The following ABTB3 variants were observed in gnomAD, a reference collection of about 807,000 sequenced individuals.
ABTB3 encodes the protein ankyrin repeat and BTB domain containing 3, also known as ankyrin repeat- and BTB/POZ domain-containing protein 3.
the ABTB3 span, chr12:107,617,372 G>A: frequency 6.2e-7 from 1 of 1,614,160 alleles, no homozygotes; most frequent in African/African-American, 1.3e-5. Context: ...GTACAGGAAT[G>A]GAATTTCTAC....
chr12:107,647,789 CATT>C, the ABTB3 span, among the ~76,000 whole-genome samples: 1 of 152,206 alleles, frequency 6.6e-6, no homozygotes, highest in African/African-American at 2.4e-5. Flanking sequence ...AGGCAGGTAA[CATT>C]ATCCCCACTT....
the ABTB3 span, among the ~76,000 whole-genome samples, chr12:107,320,997 G>T: frequency 2.0e-5 from 3 of 152,220 alleles, no homozygotes; most frequent in Non-Finnish European, 4.4e-5. Context: ...TGAAGGGGGT[G>T]GGGCCGGGGC....
At chr12:107,573,919 T>A in the ABTB3 span, among the ~76,000 whole-genome samples, 5 of 152,230 alleles carry the variant, frequency 3.3e-5, no homozygotes, top group Non-Finnish European at 7.3e-5. Flanking sequence ...AGACTACTGT[T>A]TGACTAAATA....
chr12:107,600,165 T>C, the ABTB3 span, among the ~76,000 whole-genome samples: 2 of 152,130 alleles, frequency 1.3e-5, no homozygotes. Flanking sequence ...TCCTGAGGGT[T>C]TAAGCAAGAT....
the ABTB3 span, among the ~76,000 whole-genome samples, chr12:107,471,060 G>A: frequency 6.6e-6 from 1 of 152,222 alleles, no homozygotes; most frequent in Non-Finnish European, 1.5e-5. Flanking sequence ...ATAAATTGCT[G>A]CGTGGCTTGA....
the ABTB3 span, among the ~76,000 whole-genome samples, chr12:107,351,475 A>T: frequency 2.0e-5 from 3 of 152,174 alleles, no homozygotes; most frequent in Admixed American, 6.5e-5. Flanking sequence ...TATGATTTGA[A>T]TGCATCCCCC....
At chr12:107,632,125 C>A in the ABTB3 span, among the ~76,000 whole-genome samples, 3 of 152,200 alleles carry the variant, frequency 2.0e-5, no homozygotes, top group Non-Finnish European at 1.5e-5. Flanking sequence ...AGGGGTCTTG[C>A]CTTGCCTGCT....
chr12:107,427,860 T>C, the ABTB3 span, among the ~76,000 whole-genome samples: 1 of 152,146 alleles, frequency 6.6e-6, no homozygotes, highest in African/African-American at 2.4e-5. Flanking sequence ...GTGGGTGAGG[T>C]GGTATGAGCT....
At chr12:107,330,159 C>A in the ABTB3 span, among the ~76,000 whole-genome samples, 3 of 152,226 alleles carry the variant, frequency 2.0e-5, no homozygotes, top group East Asian at 5.8e-4. Flanking sequence ...ATGGCCACTG[C>A]AGCTGGAATG....
the ABTB3 span, among the ~76,000 whole-genome samples, chr12:107,513,537 G>A: frequency 1.3e-5 from 2 of 152,180 alleles, no homozygotes; most frequent in African/African-American, 4.8e-5. Context: ...CTTCTGCCAT[G>A]ATTATAAGTT....
chr12:107,530,061 A>G, the ABTB3 span, among the ~76,000 whole-genome samples: 2 of 152,200 alleles, frequency 1.3e-5, no homozygotes, highest in African/African-American at 4.8e-5. Flanking sequence ...GAAGGTCTTC[A>G]ATTGTTAGGA....
At chr12:107,482,603 A>G in the ABTB3 span, among the ~76,000 whole-genome samples, 1 of 152,020 alleles carries the variant, frequency 6.6e-6, no homozygotes, top group Non-Finnish European at 1.5e-5. Flanking sequence ...TCCTTCTAGT[A>G]AATATGCATG....
At chr12:107,325,952 C>T in the ABTB3 span, among the ~76,000 whole-genome samples, 1 of 152,176 alleles carries the variant, frequency 6.6e-6, no homozygotes, top group Non-Finnish European at 1.5e-5. Flanking sequence ...GTTGCCCAAG[C>T]TGGAGTGCAA....
the ABTB3 span, among the ~76,000 whole-genome samples, chr12:107,349,407 C>A: frequency 6.6e-6 from 1 of 152,174 alleles, no homozygotes; most frequent in Non-Finnish European, 1.5e-5. Context: ...GAGTAAGGTG[C>A]ATAACAGGTT....
the ABTB3 span, among the ~76,000 whole-genome samples, chr12:107,548,351 C>T: frequency 3.9e-5 from 6 of 152,236 alleles, no homozygotes; most frequent in African/African-American, 1.2e-4. Flanking sequence ...CTGTGCCCAA[C>T]AGACGGCCTG....
chr12:107,327,079 C>T, the ABTB3 span, among the ~76,000 whole-genome samples: 12 of 152,246 alleles, frequency 7.9e-5, no homozygotes, highest in African/African-American at 2.9e-4. Flanking sequence ...CTAGTTCTTT[C>T]CCTTGAACCT....
chr12:107,396,678 C>T, the ABTB3 span, among the ~76,000 whole-genome samples: 1 of 151,496 alleles, frequency 6.6e-6, no homozygotes, highest in African/African-American at 2.4e-5. Flanking sequence ...AATATAAAAC[C>T]ATCCACCAGA....
the ABTB3 span, among the ~76,000 whole-genome samples, chr12:107,464,766 C>T: frequency 6.6e-6 from 1 of 152,174 alleles, no homozygotes; most frequent in East Asian, 1.9e-4. Context: ...GTGTTTCGAG[C>T]AGTGGTTCTC....
At chr12:107,402,321 A>G in the ABTB3 span, among the ~76,000 whole-genome samples, 2 of 152,188 alleles carry the variant, frequency 1.3e-5, no homozygotes, top group African/African-American at 4.8e-5. Flanking sequence ...TCATGTGGGC[A>G]AAGGATGGCC....
Sources: gnomAD v4.1 joint callset for allele counts (sites outside exome capture counted in the v4.1 genomes callset) on GRCh38, gnomAD v4.1.1 for gene constraint, MANE v1.5 for transcripts, NCBI Gene and HGNC (gene_info 2026-07-23, HGNC 2026-07-21) for gene names.